RPS6KA2: variants seen among roughly 807,000 people sequenced by gnomAD.
RPS6KA2 encodes the protein ribosomal protein S6 kinase alpha-2.
In RPS6KA2, 42 loss-of-function variants were observed where a neutral mutation model predicts 91.8. The ratio of observed to expected loss-of-function variants is 0.46; its 90% CI spans 0.36 to 0.59. RPS6KA2 has a LOEUF of 0.59. Among genes scored for constraint, RPS6KA2 ranks in the 20% least tolerant of loss-of-function variants. The pLI, the probability that RPS6KA2 is intolerant of heterozygous loss-of-function variation, is 0.00. For missense variants in RPS6KA2, 798 were observed against 978.5 expected (o/e 0.82, Z 2.46); for synonymous variants, 414 against 393.6 (o/e 1.05, Z -0.61).
At chr6:166,420,940 G>A (rs1170407177) in intron 17 of RPS6KA2, among the ~76,000 whole-genome samples, 2 of 152,190 alleles carry the variant, frequency 1.3e-5, no homozygotes, top group African/African-American at 4.8e-5. Flanking sequence ...ACTGGATTTA[G>A]CATTAAATAT....
intron 3 of RPS6KA2, among the ~76,000 whole-genome samples, chr6:166,515,069 A>G (rs1782600732): frequency 6.6e-6 from 1 of 152,166 alleles, no homozygotes; most frequent in Admixed American, 6.5e-5. Context: ...GTAGGATGAG[A>G]GTAGAACCAT....
At chr6:166,671,579 A>T (rs1230396362) in intron 2 of RPS6KA2, among the ~76,000 whole-genome samples, 2 of 152,186 alleles carry the variant, frequency 1.3e-5, no homozygotes, top group East Asian at 3.8e-4. Context: ...TATTCCAGTA[A>T]GAAAAGACTC....
At chr6:166,824,639 G>C (rs1779987789) in intron 2 of RPS6KA2, among the ~76,000 whole-genome samples, 1 of 83,374 alleles carries the variant, frequency 1.2e-5, no homozygotes, top group African/African-American at 3.3e-5. Context: ...GTGGGTGTCT[G>C]TATGTCTGTG....
chr6:166,478,207 A>T (rs1781053064), intron 10 of RPS6KA2, among the ~76,000 whole-genome samples: 1 of 152,176 alleles, frequency 6.6e-6, no homozygotes, highest in African/African-American at 2.4e-5. Flanking sequence ...GGTGCCTGCC[A>T]CCTGAGGCGG....
At chr6:166,535,929 G>C (rs1229626012) in intron 2 of RPS6KA2, among the ~76,000 whole-genome samples, 1 of 152,216 alleles carries the variant, frequency 6.6e-6, no homozygotes, top group East Asian at 1.9e-4. Flanking sequence ...TCTCCCACAG[G>C]AACAAGCTTA....
At chr6:166,679,974 T>C (rs1466833864) in intron 2 of RPS6KA2, among the ~76,000 whole-genome samples, 1 of 152,236 alleles carries the variant, frequency 6.6e-6, no homozygotes, top group Non-Finnish European at 1.5e-5. Context: ...CCAGCTGGGC[T>C]TCTGGGATGG....
At chr6:166,678,629 G>A (rs1788686192) in intron 2 of RPS6KA2, among the ~76,000 whole-genome samples, 1 of 152,168 alleles carries the variant, frequency 6.6e-6, no homozygotes, top group Non-Finnish European at 1.5e-5. Context: ...AATGTTTGCT[G>A]TTCTGCGTCA....
chr6:166,486,953 C>A (rs530493646), intron 10 of RPS6KA2, among the ~76,000 whole-genome samples: 17 of 152,222 alleles, frequency 1.1e-4, no homozygotes, highest in Non-Finnish European at 1.9e-4. Context: ...CGGTGCAGAG[C>A]CGTGGCCGAG....
chr6:166,614,739 C>G (rs1484529961), intron 1 of RPS6KA2, among the ~76,000 whole-genome samples: 4 of 152,188 alleles, frequency 2.6e-5, no homozygotes, highest in African/African-American at 9.6e-5. Context: ...CACCTGCGTT[C>G]CTTGCTCCTG....
chr6:166,501,115 C>T (rs1261510495), intron 6 of RPS6KA2, among the ~76,000 whole-genome samples, 191 bp from the exon 7 acceptor site: 1 of 152,158 alleles, frequency 6.6e-6, no homozygotes, highest in African/African-American at 2.4e-5. Context: ...CTCCACAGCT[C>T]CCAGCTCGAG....
chr6:166,792,732 A>C (rs911938017), intron 2 of RPS6KA2, among the ~76,000 whole-genome samples: 3 of 152,240 alleles, frequency 2.0e-5, no homozygotes, highest in Admixed American at 2.0e-4. Flanking sequence ...TCCATCATAT[A>C]AACAGAACCA....
chr6:166,625,312 C>T (rs1394362556), intron 1 of RPS6KA2, among the ~76,000 whole-genome samples: 2 of 121,306 alleles, frequency 1.6e-5, no homozygotes, highest in Admixed American at 1.7e-4. Flanking sequence ...ACCTCGTTTC[C>T]TATTCCCACC....
rs142243523 is a variant in RPS6KA2 at position 166,495,075 on chromosome 6, A to T, written c.747+3433T>A. 1.0e-3 allele frequency among the ~76,000 whole-genome samples: 157 copies of T among 152,344 alleles called. 1 individual carries two copies. Among genetic ancestry groups the T allele is most frequent in the African/African-American group, 3.5e-3 (147 of 41,576 alleles). On this transcript the variant is annotated intron_variant, in intron 8 of 20. Transcript: ENST00000265678. This position sits in a 1 kb window ranked among gnomAD's most constrained non-coding sequence, Gnocchi z 4.4. ...CTTTGCCTGTGTGCAGCCAGTCACC[A>T]CGTGGGCGGGCGGCACTAAATGAGA...
intron 2 of RPS6KA2, among the ~76,000 whole-genome samples, chr6:166,772,065 C>T (rs964435823): frequency 1.3e-5 from 2 of 152,212 alleles, no homozygotes; most frequent in Non-Finnish European, 2.9e-5. Context: ...GGCAAGAATA[C>T]AGTTGCTAAT....
intron 3 of RPS6KA2, among the ~76,000 whole-genome samples, chr6:166,527,070 G>A (rs1323344101): frequency 1.3e-5 from 2 of 152,332 alleles, no homozygotes; most frequent in East Asian, 3.9e-4. Context: ...AAGTCATCGA[G>A]ATGGAGCGTT....
At chr6:166,686,206 C>T (rs9459714) in intron 2 of RPS6KA2, among the ~76,000 whole-genome samples, 29,306 of 151,872 alleles carry the variant, frequency 0.19, 3,605 homozygotes, top group East Asian at 0.35. Flanking sequence ...TGAGTCCTGC[C>T]GCCAGGAACA....
intron 1 of RPS6KA2, among the ~76,000 whole-genome samples, chr6:166,599,079 G>C (rs548419197): frequency 4.6e-4 from 70 of 152,326 alleles, no homozygotes; most frequent in Non-Finnish European, 8.1e-4. Context: ...AGAATCCAGA[G>C]CAGGAGTCAC....
At chr6:166,492,451 A>C (rs777737543) in intron 8 of RPS6KA2, among the ~76,000 whole-genome samples, 1 of 152,184 alleles carries the variant, frequency 6.6e-6, no homozygotes, top group Non-Finnish European at 1.5e-5. Context: ...ACACTGAAAT[A>C]TCTCTCAGAA....
At chr6:166,839,685 G>GGGC (rs1292794177) in intron 2 of RPS6KA2, among the ~76,000 whole-genome samples, 3 of 69,206 alleles carry the variant, frequency 4.3e-5, no homozygotes, top group African/African-American at 5.5e-5. Context: ...CAGAGCAGGA[G>GGGC]AGGAGAGGGG....
Sources: allele counts gnomAD v4.1 joint callset (sites outside exome capture counted in the v4.1 genomes callset), GRCh38; gene constraint gnomAD v4.1.1; non-coding constraint Gnocchi (gnomAD v3.1); transcripts MANE v1.5; gene names NCBI Gene and HGNC (gene_info 2026-07-23, HGNC 2026-07-21).